The following GRM8 variants were observed in gnomAD, a reference collection of about 807,000 sequenced individuals.
GRM8 encodes glutamate metabotropic receptor 8.
A neutral mutation model predicts 87.2 loss-of-function variants in GRM8; 47 were observed. The observed-to-expected ratio is 0.54, with a 90% CI of 0.43 to 0.69. The LOEUF (loss-of-function observed/expected upper bound fraction) is 0.69. Among genes scored for constraint, GRM8 ranks in the 30% least tolerant of loss-of-function variants. The pLI, the probability that GRM8 is intolerant of heterozygous loss-of-function variation, is 0.00. For synonymous variants in GRM8, 396 were observed against 404.5 expected, an observed-to-expected ratio of 0.98 and a Z score of 0.25; for missense variants, 1,019 against 1,139.2, an observed-to-expected ratio of 0.89 and a Z score of 1.52.
chr7:126,776,021 C>T (rs1283621156), intron 6 of GRM8, among the ~76,000 whole-genome samples: 1 of 152,112 alleles, frequency 6.6e-6, no homozygotes, highest in Non-Finnish European at 1.5e-5. Flanking sequence ...GGAGATGTCA[C>T]CTCAAATTTG....
chr7:126,896,595 G>A (rs1413649809), intron 6 of GRM8, among the ~76,000 whole-genome samples: 1 of 152,042 alleles, frequency 6.6e-6, no homozygotes, highest in Non-Finnish European at 1.5e-5. Context: ...AGTTATAATT[G>A]AAAAGTTACA....
chr7:127,213,051 TATA>T (rs1796316652), intron 2 of GRM8, among the ~76,000 whole-genome samples: 1 of 152,158 alleles, frequency 6.6e-6, no homozygotes, highest in Non-Finnish European at 1.5e-5. Flanking sequence ...TGTTGAAGGG[TATA>T]ATAATTGTAC....
intron 7 of GRM8, among the ~76,000 whole-genome samples, chr7:126,737,395 C>A (rs930979626): frequency 2.0e-5 from 3 of 151,980 alleles, no homozygotes; most frequent in African/African-American, 7.2e-5. Context: ...CACCCCCACC[C>A]ACCAAATTAT....
chr7:126,827,163 T>C (rs1794892496), intron 6 of GRM8, among the ~76,000 whole-genome samples: 1 of 152,210 alleles, frequency 6.6e-6, no homozygotes, highest in Non-Finnish European at 1.5e-5. Context: ...GCCTTCAGCT[T>C]TGTTCTTTTG....
At chr7:126,774,212 C>T (rs1364168297) in intron 6 of GRM8, among the ~76,000 whole-genome samples, 2 of 152,184 alleles carry the variant, frequency 1.3e-5, no homozygotes, top group African/African-American at 4.8e-5. Context: ...TTTTTCTGTT[C>T]CTTAACACTT....
At chr7:127,209,997 G>T (rs1010706706) in intron 2 of GRM8, among the ~76,000 whole-genome samples, 1 of 152,122 alleles carries the variant, frequency 6.6e-6, no homozygotes, top group South Asian at 2.1e-4. Context: ...GTCCTGGGGA[G>T]CAAGCTGTTA....
chr7:126,530,047 TG>T (rs1018372474), intron 9 of GRM8, among the ~76,000 whole-genome samples: 2 of 152,210 alleles, frequency 1.3e-5, no homozygotes, highest in African/African-American at 4.8e-5. Context: ...CAAAGGAATG[TG>T]GGGAAGTTAA....
At chr7:126,759,353 C>A (rs11769459) in intron 7 of GRM8, among the ~76,000 whole-genome samples, 57,017 of 151,706 alleles carry the variant, frequency 0.38, 12,287 homozygotes, top group Non-Finnish European at 0.48. Flanking sequence ...AATAATTATC[C>A]CTAATAACAT....
chr7:127,225,715 A>G (rs1797281480), intron 2 of GRM8, among the ~76,000 whole-genome samples: 1 of 149,118 alleles, frequency 6.7e-6, no homozygotes, highest in African/African-American at 2.4e-5. Context: ...TAGATATTTT[A>G]TAATAGGCAT....
At chr7:126,471,231 T>C (rs1273228757) in intron 9 of GRM8, among the ~76,000 whole-genome samples, 2 of 152,216 alleles carry the variant, frequency 1.3e-5, no homozygotes, top group South Asian at 2.1e-4. Context: ...TTGGTTGCCA[T>C]TGCTTTTAGT....
At chr7:127,150,126 T>C (rs1324135223) in intron 2 of GRM8, among the ~76,000 whole-genome samples, 1 of 152,108 alleles carries the variant, frequency 6.6e-6, no homozygotes, top group Non-Finnish European at 1.5e-5. Flanking sequence ...TAACATGTTT[T>C]ATACCTTGAA....
At chr7:127,236,855 G>A (rs1587351696) in intron 2 of GRM8, among the ~76,000 whole-genome samples, 1 of 152,126 alleles carries the variant, frequency 6.6e-6, no homozygotes, top group African/African-American at 2.4e-5. Flanking sequence ...CATGCTAGGT[G>A]CTAGGAATAC....
At chr7:126,791,736 T>C (rs897532713) in intron 6 of GRM8, among the ~76,000 whole-genome samples, 8 of 152,308 alleles carry the variant, frequency 5.3e-5, no homozygotes, top group Middle Eastern at 3.4e-3. Flanking sequence ...AAAAGAACCA[T>C]AGAGGTGGTT....
At chr7:127,105,449 A>G (rs1468306122) in intron 3 of GRM8, 1 of 152,246 alleles carries the variant, frequency 6.6e-6, no homozygotes, top group Non-Finnish European at 1.5e-5. Context: ...CCTACTATGT[A>G]CAGAAAAGCT....
chr7:126,738,044 AG>A (rs1461688062), intron 7 of GRM8, among the ~76,000 whole-genome samples: 9 of 152,132 alleles, frequency 5.9e-5, no homozygotes, highest in African/African-American at 1.9e-4. Context: ...TGTCAAAAAC[AG>A]AAGAGAGAAT....
At chr7:126,667,331 C>A (rs1257616783) in intron 7 of GRM8, among the ~76,000 whole-genome samples, 3 of 152,136 alleles carry the variant, frequency 2.0e-5, no homozygotes, top group Non-Finnish European at 4.4e-5. Context: ...AAGCAGGATG[C>A]CTACAAATGT....
chr7:126,968,653 T>C (rs746977379), intron 3 of GRM8, among the ~76,000 whole-genome samples: 2 of 152,170 alleles, frequency 1.3e-5, no homozygotes, highest in Non-Finnish European at 2.9e-5. Context: ...AAAAGCTTTT[T>C]CTTATTGCAT....
intron 9 of GRM8, among the ~76,000 whole-genome samples, chr7:126,481,277 G>C (rs1029816132): frequency 6.6e-6 from 1 of 151,998 alleles, no homozygotes. Flanking sequence ...ACAAGATCCA[G>C]TTATGGATGA....
At chr7:126,712,775 G>A (rs962013295) in intron 7 of GRM8, among the ~76,000 whole-genome samples, 1 of 152,112 alleles carries the variant, frequency 6.6e-6, no homozygotes, top group Non-Finnish European at 1.5e-5. Flanking sequence ...ATCAAAAAGT[G>A]GGCAAAGGAT....
Sources: allele counts gnomAD v4.1 joint callset (sites outside exome capture counted in the v4.1 genomes callset), GRCh38; gene constraint gnomAD v4.1.1; transcripts MANE v1.5; gene names NCBI Gene and HGNC (gene_info 2026-07-23, HGNC 2026-07-21).